PCDHGA4: variants seen among roughly 807,000 people sequenced by gnomAD.
PCDHGA4 encodes protocadherin gamma-A4.
PCDHGA4 carries 38 observed loss-of-function variants against 54.6 expected under a neutral mutation model. The observed-to-expected ratio is 0.70, with a 90% CI of 0.54 to 0.91. The LOEUF (loss-of-function observed/expected upper bound fraction) is 0.91. Ranked by LOEUF, PCDHGA4 falls within the 40% of genes least tolerant of loss-of-function variation. PCDHGA4 has a pLI of 0.00. For synonymous variants in PCDHGA4, 511 were observed against 512.9 expected (o/e 1.00, Z 0.05); for missense variants, 1,298 against 1,220.9 (o/e 1.06, Z -0.94).
Position 141,512,171 on chromosome 5 carries a change from T to C in PCDHGA4, c.*998T>C, listed in dbSNP as rs140884268. ...GGGCTGAGCTAACAGGACCAATGGA[T>C]TAAACTGGCATTTCAGTCCAAGGAA... On this transcript the variant is annotated 3_prime_UTR_variant, in exon 4 of 4. Transcript: ENST00000571252. 584 of 152,796 alleles carry C rather than the reference T, an allele frequency of 3.8e-3. 5 individuals carry two copies. The highest frequency in any genetic ancestry group is 0.011 in the Admixed American group (167 of 15,298). The allele number at this position is 152,796 out of a possible 1,614,324, so 9.5% of individuals were successfully genotyped here. A position where few individuals can be genotyped will look rare whatever the true frequency, so the allele number is the denominator to read the frequency against.
In PCDHGA4 at chr5:141,487,938, G is replaced by A; in HGVS notation, c.2515-6869G>A. ...GAGGCTACAGTGCACAGGGTACAGT[G>A]CACCAGGCAGTCACTTGGACAAAGG... is the stretch of plus-strand genomic sequence containing the variant. On this transcript the variant is annotated intron_variant, in intron 1 of 3. Coordinates refer to ENST00000571252, the MANE Select transcript of PCDHGA4 (RefSeq NM_018917.4). This position sits in a 1 kb window ranked among gnomAD's most constrained non-coding sequence, Gnocchi z 5.0. 1.7e-6 allele frequency: 1 copy of A among 600,308 alleles called. No homozygotes were observed. The highest frequency in any genetic ancestry group is 2.9e-6 in the Non-Finnish European group (1 of 342,970). 37.2% of individuals were successfully genotyped at this position (600,308 alleles called of 1,614,324 possible).
intron 1 of PCDHGA4, chr5:141,375,763 C>G: frequency 6.2e-7 from 1 of 1,614,242 alleles, no homozygotes; most frequent in South Asian, 1.1e-5. Context: ...ACAATGCGCC[C>G]GAGATCCTGT....
intron 1 of PCDHGA4, among the ~76,000 whole-genome samples, chr5:141,358,088 G>C (rs1349368528): frequency 6.6e-6 from 1 of 152,206 alleles, no homozygotes; most frequent in African/African-American, 2.4e-5. Flanking sequence ...TACCCTGGAG[G>C]CTGAGGCATG....
rs377547144 is a variant in PCDHGA4, at chr5:141,409,030, G to A, written c.2514+51409G>A. The stretch of plus-strand genomic sequence containing the variant: ...ACCAGGATGAGGGGGTCAATGCTGA[G>A]ATAAACTACTACTTCCGAAGCACTG... On this transcript the variant is annotated intron_variant, in intron 1 of 3. Transcript: ENST00000571252. 9.9e-6 allele frequency: 16 copies of A among 1,613,892 alleles called. No homozygotes were observed. The African/African-American group carries it at 2.0e-4, about 20-fold the overall frequency.
At chr5:141,441,827 A>G (rs1344314632) in intron 1 of PCDHGA4, 1 of 355,628 alleles carries the variant, frequency 2.8e-6, no homozygotes, top group Non-Finnish European at 5.6e-6. Flanking sequence ...CTGGAGCGCA[A>G]TGGCTTCGCG....
At chr5:141,394,494 G>A (rs771645801) in intron 1 of PCDHGA4, 4 of 1,614,200 alleles carry the variant, frequency 2.5e-6, no homozygotes, top group Non-Finnish European at 1.7e-6. Flanking sequence ...CAACGCGCCC[G>A]AGATCCTGTA....
At chr5:141,452,908 A>G (rs747849272) in intron 1 of PCDHGA4, among the ~76,000 whole-genome samples, 5 of 152,222 alleles carry the variant, frequency 3.3e-5, no homozygotes, top group African/African-American at 4.8e-5. Flanking sequence ...AGTTGGCATT[A>G]TACAGTAAGA....
intron 1 of PCDHGA4, among the ~76,000 whole-genome samples, chr5:141,430,143 A>C (rs1451633366): frequency 2.0e-5 from 3 of 152,180 alleles, no homozygotes; most frequent in Non-Finnish European, 4.4e-5. Flanking sequence ...TCCATTCAGG[A>C]TCATTCAAGG....
rs1226359801 is a variant in PCDHGA4, at chr5:141,388,320, G to A, written c.2514+30699G>A. On this transcript the variant is annotated intron_variant, in intron 1 of 3. Coordinates refer to ENST00000571252, the MANE Select transcript of PCDHGA4 (RefSeq NM_018917.4). ...CTTTGAGCTGCAAATAAGTGAGTCT[G>A]CACAGCCTGGCACACGATTTATATT... is the stretch of plus-strand genomic sequence containing the variant. 9.3e-6 allele frequency: 15 copies of A among 1,613,768 alleles called. 1 individual carries two copies. The Admixed American group carries it at 2.5e-4, about 27-fold the overall frequency.
At chr5:141,427,972 C>T (rs1368719718) in intron 1 of PCDHGA4, 1 of 1,593,948 alleles carries the variant, frequency 6.3e-7, no homozygotes, top group South Asian at 1.1e-5. Flanking sequence ...GTGCTGTACC[C>T]CGCGCTGGGG....
rs145288114 is a variant in PCDHGA4 at position 141,477,334 on chromosome 5, C to T, written c.2515-17473C>T. On this transcript the variant is annotated intron_variant, in intron 1 of 3. Coordinates refer to ENST00000571252, the MANE Select transcript of PCDHGA4 (RefSeq NM_018917.4). This position sits in a 1 kb window ranked among gnomAD's most constrained non-coding sequence, Gnocchi z 4.9. ...GCCTTACTTCTTCCCTCAAGAATTA[C>T]TTCACTTTGAAAACCAGTGCAGACC... is the stretch of plus-strand genomic sequence containing the variant. 1.3e-4 allele frequency: 215 copies of T among 1,614,074 alleles called. No homozygotes were observed. Among genetic ancestry groups the T allele is most frequent in the Non-Finnish European group, 1.8e-4 (210 of 1,180,044 alleles).
Position 141,384,414 on chromosome 5 carries a change from C to T in PCDHGA4, c.2514+26793C>T, listed in dbSNP as rs1159996307. 5 of 1,613,838 alleles carry T rather than the reference C, an allele frequency of 3.1e-6. No individual in the cohort carries two copies. In the East Asian group the frequency reaches 8.9e-5, roughly 29 times the overall value. ...AGGGGGCTCCAGTGTCCTCCTATGT[C>T]TCCATAAACTCTGACACTGGAGTCC... On this transcript the variant is annotated intron_variant, in intron 1 of 3. Coordinates refer to ENST00000571252, the MANE Select transcript of PCDHGA4 (RefSeq NM_018917.4).
rs760676891 is a variant in PCDHGA4, at chr5:141,413,180, CCGCTCAAAGGAAT to C, written c.2514+55574_2514+55586del. The C allele has an allele frequency of 6.9e-5, 111 of 1,602,612 alleles. No individual in the cohort carries two copies. The East Asian group carries it at 9.6e-4, about 14-fold the overall frequency. ...GAATTCTGTAACCAGACTACAATGG[CCGCTCAAAGGAAT>C]CGCTCAAAGGAATCAAAGGATTGCA... On this transcript the variant is annotated intron_variant, in intron 1 of 3. Transcript: ENST00000571252.
intron 1 of PCDHGA4, chr5:141,405,405 T>C (rs765108115): frequency 1.4e-5 from 22 of 1,588,008 alleles, no homozygotes; most frequent in Non-Finnish European, 1.9e-5. Context: ...TTTCTTTCTT[T>C]TCTTTTTTTG....
At chr5:141,415,884 A>C in intron 1 of PCDHGA4, 1 of 981,534 alleles carries the variant, frequency 1.0e-6, no homozygotes, top group Non-Finnish European at 1.4e-6. Context: ...TACAATATTG[A>C]CAATTCCTAA....
chr5:141,424,393 A>G (rs1241872928), intron 1 of PCDHGA4: 1 of 152,120 alleles, frequency 6.6e-6, no homozygotes, highest in Non-Finnish European at 1.5e-5. Flanking sequence ...TGTCTTTTCC[A>G]TTACTATGGT....
In PCDHGA4 at chr5:141,383,199, G is replaced by A. The variant is rs574670513; in HGVS notation, c.2514+25578G>A. The stretch of plus-strand genomic sequence containing the variant: ...GGGAAGAGATCTGCGCTCAGAGTGC[G>A]CGGTGTCTGGTAAACTTTAACATCC... On this transcript the variant is annotated intron_variant, in intron 1 of 3. Transcript: ENST00000571252. 6.2e-6 allele frequency: 10 copies of A among 1,614,040 alleles called. No homozygotes were observed. The East Asian group carries it at 1.8e-4, about 29-fold the overall frequency.
chr5:141,419,765 G>A, intron 1 of PCDHGA4: 1 of 1,614,016 alleles, frequency 6.2e-7, no homozygotes, highest in Non-Finnish European at 8.5e-7. Context: ...GGGTGACAAG[G>A]ACTCGGTCCG....
At chr5:141,451,526 G>T (rs896029145) in intron 1 of PCDHGA4, among the ~76,000 whole-genome samples, 1 of 152,168 alleles carries the variant, frequency 6.6e-6, no homozygotes, top group African/African-American at 2.4e-5. Flanking sequence ...GCAAGTAAAG[G>T]AGAGTGCCAG....
Sources: allele counts gnomAD v4.1 joint callset (sites outside exome capture counted in the v4.1 genomes callset), GRCh38; gene constraint gnomAD v4.1.1; non-coding constraint Gnocchi (gnomAD v3.1); transcripts MANE v1.5; gene names NCBI Gene and HGNC (gene_info 2026-07-23, HGNC 2026-07-21).